Variants in ALK observed in about 807,000 individuals in gnomAD.
The protein encoded by ALK is ALK tyrosine kinase receptor.
Under a neutral mutation model 163.1 loss-of-function variants are expected in ALK, and 74 were observed. The observed-to-expected ratio is 0.45, with a 90% CI of 0.38 to 0.55. The LOEUF is 0.55. Among genes scored for constraint, ALK ranks in the 20% least tolerant of loss-of-function variants. The pLI is 0.00. For synonymous variants in ALK, 960 were observed against 843.2 expected (o/e 1.14, Z -2.40); for missense variants, 2,063 against 2,105.3 (o/e 0.98, Z 0.39).
At position 29,720,544 on chromosome 2, in the gene ALK, G is replaced by A. The variant is rs568602021; in HGVS notation, c.668-2847C>T. The stretch of plus-strand genomic sequence containing the variant: ...TAATGTGGGGGTCAGCCAAAAGGCT[G>A]AGCCTCCCCACCTGAAAAGTCAAGG... On this transcript the variant is annotated intron_variant, in intron 1 of 28. Coordinates refer to ENST00000389048, the MANE Select transcript of ALK (RefSeq NM_004304.5). 1.5e-4 allele frequency among the ~76,000 whole-genome samples: 23 copies of A among 152,290 alleles called. No homozygotes were observed. In the Middle Eastern group the frequency reaches 0.017, roughly 113 times the overall value.
At chr2:29,548,472 C>CA (rs1171656746) in intron 3 of ALK, among the ~76,000 whole-genome samples, 18,021 of 125,596 alleles carry the variant, frequency 0.14, 1,402 homozygotes, top group Non-Finnish European at 0.21. Flanking sequence ...GACTCGGTCT[C>CA]AAAAAAAAAA....
chr2:29,403,441 T>C (rs912221989), intron 4 of ALK, among the ~76,000 whole-genome samples: 3 of 152,166 alleles, frequency 2.0e-5, no homozygotes, highest in African/African-American at 7.2e-5. Flanking sequence ...ATGACGCTCC[T>C]GAAGAGGGTC....
chr2:29,462,262 T>C (rs556558325), intron 4 of ALK, among the ~76,000 whole-genome samples: 2 of 152,196 alleles, frequency 1.3e-5, no homozygotes, highest in Non-Finnish European at 2.9e-5. Context: ...ACTTAGCTGA[T>C]AAAGCAGTAG....
chr2:29,876,254 A>T (rs1034558515), intron 1 of ALK, among the ~76,000 whole-genome samples: 5 of 152,200 alleles, frequency 3.3e-5, no homozygotes, highest in Non-Finnish European at 4.4e-5. Flanking sequence ...CTGGCACATG[A>T]TAAACTCATT....
At chr2:29,788,664 G>A (rs1202216230) in intron 1 of ALK, among the ~76,000 whole-genome samples, 1 of 152,172 alleles carries the variant, frequency 6.6e-6, no homozygotes, top group Non-Finnish European at 1.5e-5. Flanking sequence ...CTAACTGACT[G>A]TCATAATAGA....
intron 4 of ALK, among the ~76,000 whole-genome samples, chr2:29,451,308 C>A (rs1252768344): frequency 6.6e-6 from 1 of 152,174 alleles, no homozygotes; most frequent in Admixed American, 6.5e-5. Context: ...ACTGACCAAT[C>A]TTTCTTAAGC....
intron 5 of ALK, among the ~76,000 whole-genome samples, chr2:29,383,242 A>T (rs764559042): frequency 1.3e-5 from 2 of 151,598 alleles, no homozygotes; most frequent in Non-Finnish European, 2.9e-5. Context: ...ATATCATTTT[A>T]TACCAGCTCT....
At chr2:29,196,415 C>T (rs373996809) in intron 28 of ALK, among the ~76,000 whole-genome samples, 1 of 152,128 alleles carries the variant, frequency 6.6e-6, no homozygotes, top group Non-Finnish European at 1.5e-5. Flanking sequence ...TCCAGCCAGG[C>T]TCTAAACTAT....
intron 26 of ALK, among the ~76,000 whole-genome samples, chr2:29,206,260 T>C (rs13388878): frequency 0.4 from 59,726 of 148,796 alleles, 14,637 homozygotes; most frequent in East Asian, 0.79. Context: ...CTCCCTTTCT[T>C]TCTTTCTCTC....
intron 4 of ALK, among the ~76,000 whole-genome samples, chr2:29,415,309 A>G (rs1393439857): frequency 6.6e-6 from 1 of 152,054 alleles, no homozygotes; most frequent in African/African-American, 2.4e-5. Flanking sequence ...CAATAGAGGA[A>G]GACACTGATG....
intron 1 of ALK, among the ~76,000 whole-genome samples, chr2:29,772,773 T>A (rs4233748): frequency 0.31 from 46,879 of 152,112 alleles, 8,641 homozygotes; most frequent in African/African-American, 0.5. Context: ...GTATAAAATT[T>A]GATAACATGT....
chr2:29,627,570 T>C (rs1676232139), intron 3 of ALK, among the ~76,000 whole-genome samples: 1 of 152,168 alleles, frequency 6.6e-6, no homozygotes, highest in Admixed American at 6.5e-5. Context: ...GCTGCCTGGC[T>C]GCCTAACTGC....
chr2:29,918,166 A>T (rs975031094), intron 1 of ALK, among the ~76,000 whole-genome samples: 2 of 152,256 alleles, frequency 1.3e-5, no homozygotes, highest in Non-Finnish European at 2.9e-5. Flanking sequence ...ACCTGTTTAC[A>T]GTTGGCAGGT....
intron 5 of ALK, among the ~76,000 whole-genome samples, chr2:29,351,521 C>T (rs895469368): frequency 6.6e-6 from 1 of 152,180 alleles, no homozygotes; most frequent in African/African-American, 2.4e-5. Flanking sequence ...AGACCATGCC[C>T]ACTCCAGCCA....
chr2:29,676,776 A>G (rs1159247967), intron 3 of ALK, among the ~76,000 whole-genome samples: 1 of 152,006 alleles, frequency 6.6e-6, no homozygotes, highest in Admixed American at 6.6e-5. Flanking sequence ...CCAAAATGTA[A>G]TGTCTCTTTT....
intron 4 of ALK, among the ~76,000 whole-genome samples, chr2:29,400,933 C>T (rs1669429194): frequency 6.6e-6 from 1 of 151,974 alleles, no homozygotes; most frequent in Non-Finnish European, 1.5e-5. Flanking sequence ...CGAAGTCGCA[C>T]CATTGCACTC....
intron 9 of ALK, 24 bp downstream of exon 9, chr2:29,296,864 T>C (rs974615277): frequency 6.2e-7 from 1 of 1,613,962 alleles, no homozygotes; most frequent in Non-Finnish European, 8.5e-7. Context: ...GAGAAGGGTA[T>C]TGGGGGAGAT....
chr2:29,913,399 G>A (rs1667756250), intron 1 of ALK, among the ~76,000 whole-genome samples: 1 of 152,012 alleles, frequency 6.6e-6, no homozygotes, highest in East Asian at 1.9e-4. Context: ...TCACCACCAG[G>A]CCAACACTCC....
chr2:29,835,502 T>C lies in ALK; in HGVS notation c.667+84491A>G, dbSNP rs118129241. On this transcript the variant is annotated intron_variant, in intron 1 of 28. Coordinates refer to ENST00000389048, the MANE Select transcript of ALK (RefSeq NM_004304.5). ...CTGGGATCACAGTAGTATACCATGCTGGTGCTTCATCCAGATGTTCGTGTA... is the reference window on the plus strand; with the variant it reads ...CTGGGATCACAGTAGTATACCATGCCGGTGCTTCATCCAGATGTTCGTGTA... Among the ~76,000 whole-genome samples, 93 of 152,336 alleles carry C rather than the reference T, an allele frequency of 6.1e-4. No individual in the cohort carries two copies. The East Asian group carries it at 0.017, about 28-fold the overall frequency.
Sources: gnomAD v4.1 joint callset for allele counts (sites outside exome capture counted in the v4.1 genomes callset) on GRCh38, gnomAD v4.1.1 for gene constraint, MANE v1.5 for transcripts, NCBI Gene and HGNC (gene_info 2026-07-23, HGNC 2026-07-21) for gene names.